The following RREB1 variants were observed in gnomAD, a reference collection of about 807,000 sequenced individuals.
The protein encoded by RREB1 is ras-responsive element-binding protein 1.
A neutral mutation model predicts 117.8 loss-of-function variants in RREB1; 27 were observed. The ratio of observed to expected loss-of-function variants is 0.23; its 90% CI spans 0.17 to 0.32. The LOEUF is 0.32. Ranked by LOEUF, RREB1 falls within the 10% of genes least tolerant of loss-of-function variation. The pLI is 1.00. For missense variants in RREB1, 2,577 were observed against 2,378.2 expected (o/e 1.08, Z -1.74); for synonymous variants, 1,298 against 1,026.7 (o/e 1.26, Z -5.05).
At chr6:7,238,535 C>A (rs1256695258) in intron 10 of RREB1, among the ~76,000 whole-genome samples, 1 of 152,178 alleles carries the variant, frequency 6.6e-6, no homozygotes, top group Non-Finnish European at 1.5e-5. Flanking sequence ...CCGCACATGA[C>A]CACAAGAAGT....
chr6:7,158,834 G>T (rs1303728185), intron 1 of RREB1, among the ~76,000 whole-genome samples: 2 of 151,864 alleles, frequency 1.3e-5, no homozygotes, highest in African/African-American at 4.8e-5. Context: ...AAGGTAGATT[G>T]TGGGTCCCAT....
At chr6:7,153,876 C>G (rs1248559854) in intron 1 of RREB1, among the ~76,000 whole-genome samples, 2 of 152,198 alleles carry the variant, frequency 1.3e-5, no homozygotes, top group Non-Finnish European at 2.9e-5. Context: ...CCCAGGGATC[C>G]AGGCTGCTCT....
intron 1 of RREB1, among the ~76,000 whole-genome samples, chr6:7,138,685 G>A (rs1762440726): frequency 6.6e-6 from 1 of 152,116 alleles, no homozygotes; most frequent in Admixed American, 6.5e-5. Context: ...TTCACAAGTG[G>A]GTTAAGGCAC....
At chr6:7,201,630 C>G (rs1490791032) in intron 6 of RREB1, among the ~76,000 whole-genome samples, 1 of 152,046 alleles carries the variant, frequency 6.6e-6, no homozygotes, top group African/African-American at 2.4e-5. Context: ...CCATCCTCAG[C>G]TTCTCTTGGG....
chr6:7,232,026 T>C (rs1366852914), intron 10 of RREB1, 119 bp downstream of exon 10: 1 of 1,065,008 alleles, frequency 9.4e-7, no homozygotes, highest in African/African-American at 1.6e-5. Context: ...GCTTGGCTTC[T>C]TCCCCGGTCT....
In RREB1 at chr6:7,152,637, C is replaced by A. The variant is rs555736495; in HGVS notation, c.-284-24018C>A. The stretch of plus-strand genomic sequence containing the variant: ...GTACCTAAAGAGATGGAATGTGACA[C>A]ACCCAGAGAATGAGGCACTGGAGGG... On this transcript the variant is annotated intron_variant, in intron 1 of 12. Transcript: ENST00000379938. 7.9e-5 allele frequency among the ~76,000 whole-genome samples: 12 copies of A among 152,236 alleles called. No individual in the cohort carries two copies. The East Asian group carries it at 1.9e-3, about 24-fold the overall frequency.
chr6:7,196,040 T>TACCCTTCCCCCTCCTCCTGCTC (rs1765649088), intron 6 of RREB1, among the ~76,000 whole-genome samples: 1 of 152,106 alleles, frequency 6.6e-6, no homozygotes, highest in African/African-American at 2.4e-5. Context: ...CTACACAGCT[T>TACCCTTCCCCCTCCTCCTGCTC]ACCCTTCCCC....
intron 1 of RREB1, among the ~76,000 whole-genome samples, chr6:7,118,786 A>T (rs1761525665): frequency 7.5e-6 from 1 of 133,028 alleles, no homozygotes; most frequent in South Asian, 2.5e-4. Context: ...TGCCAATCCC[A>T]TGGTGTTTTT....
intron 8 of RREB1, chr6:7,215,077 G>A (rs59965003): frequency 0.037 from 5,653 of 154,070 alleles, 358 homozygotes; most frequent in African/African-American, 0.13. Context: ...GAAGGCAGAG[G>A]AGGAAGCGGA....
chr6:7,246,375 G>A (rs1769022179), intron 11 of RREB1, 49 bp from the exon 12 acceptor site: 4 of 1,415,930 alleles, frequency 2.8e-6, no homozygotes, highest in Non-Finnish European at 3.7e-6. Context: ...TGGCATGGGC[G>A]TACCTGGTGG....
chr6:7,129,179 C>T (rs981972334), intron 1 of RREB1, among the ~76,000 whole-genome samples: 25 of 152,186 alleles, frequency 1.6e-4, no homozygotes, highest in Admixed American at 5.9e-4. Context: ...CTCACAGAAG[C>T]TCGCAGGAGT....
intron 6 of RREB1, among the ~76,000 whole-genome samples, chr6:7,190,524 T>A (rs1251793274): frequency 6.6e-6 from 1 of 152,208 alleles, no homozygotes; most frequent in Non-Finnish European, 1.5e-5. Context: ...TATGACTTCA[T>A]GAAAAGTGAA....
chr6:7,138,365 G>A (rs184516784), intron 1 of RREB1, among the ~76,000 whole-genome samples: 1 of 152,280 alleles, frequency 6.6e-6, no homozygotes, highest in East Asian at 1.9e-4. Flanking sequence ...AAACTGTTAC[G>A]TTGAACATTT....
Position 7,241,321 on chromosome 6 carries a change from G to A in RREB1, c.3973+719G>A, listed in dbSNP as rs973874876. ...CTCTATCAGTACACTCCATCCGCTC[G>A]GACTGCTGGGGTTCTCCATCCTCAC... On this transcript the variant is annotated intron_variant, in intron 11 of 12. Transcript: ENST00000379938. Among the ~76,000 whole-genome samples, 6 of 151,976 alleles carry A rather than the reference G, an allele frequency of 3.9e-5. No homozygotes were observed. The South Asian group carries it at 8.3e-4, about 21-fold the overall frequency.
rs940346098 is a variant in RREB1 at position 7,219,818 on chromosome 6, C to T, written c.708-6649C>T. Among the ~76,000 whole-genome samples the T allele has an allele frequency of 3.9e-5, 6 of 152,188 alleles. 1 individual carries two copies. The highest frequency in any genetic ancestry group is 1.4e-4 in the African/African-American group (6 of 41,440). On this transcript the variant is annotated intron_variant, in intron 8 of 12. Coordinates refer to ENST00000379938, the MANE Select transcript of RREB1 (RefSeq NM_001003699.4). Reference sequence around the variant, plus strand: ...ATCTGTGCCTTTACATACCAGGGGCCATGTAGAAAGAGCTTACCTTATGAC... The same window carrying T: ...ATCTGTGCCTTTACATACCAGGGGCTATGTAGAAAGAGCTTACCTTATGAC...
rs756501064 is a variant in RREB1 at position 7,230,357 on chromosome 6, C to T, written c.2258C>T (p.Thr753Ile). The change falls in exon 10 of 13, where the codon ACC becomes ATC. Residue 753 changes from threonine (T) to isoleucine (I), a missense_variant. Coordinates refer to ENST00000379938, the MANE Select transcript of RREB1 (RefSeq NM_001003699.4). ...ELVDAFCAPD[T>I]VCRLCGEDLK... is the part of the protein sequence containing the mutation. ...GTGGACGCCTTCTGCGCCCCGGACA[C>T]CGTGTGCCGGCTGTGCGGCGAGGAC... 1.9e-6 allele frequency: 3 copies of T among 1,591,944 alleles called. No homozygotes were observed. The highest frequency in any genetic ancestry group is 1.3e-5 in the African/African-American group (1 of 74,926).
intron 1 of RREB1, among the ~76,000 whole-genome samples, chr6:7,171,340 G>A (rs767254014): frequency 2.6e-5 from 4 of 152,132 alleles, no homozygotes; most frequent in Non-Finnish European, 5.9e-5. Context: ...CTGCCTTGAC[G>A]GGGACGGAAA....
chr6:7,134,881 C>G (rs566683806), intron 1 of RREB1, among the ~76,000 whole-genome samples: 13 of 152,332 alleles, frequency 8.5e-5, no homozygotes, highest in African/African-American at 3.1e-4. Flanking sequence ...CACTGTATGA[C>G]AAGTTAGGAA....
intron 1 of RREB1, among the ~76,000 whole-genome samples, chr6:7,109,487 C>T (rs1761029733): frequency 6.6e-6 from 1 of 151,990 alleles, no homozygotes. Context: ...TCGGCCGAGC[C>T]CACCGATGGG....
Sources: allele counts gnomAD v4.1 joint callset (sites outside exome capture counted in the v4.1 genomes callset), GRCh38; gene constraint gnomAD v4.1.1; transcripts MANE v1.5; gene names NCBI Gene and HGNC (gene_info 2026-07-23, HGNC 2026-07-21).